Variants in CACNA2D3 observed in about 807,000 individuals in gnomAD.
CACNA2D3 encodes the protein calcium voltage-gated channel auxiliary subunit alpha2delta 3.
In CACNA2D3, 60 loss-of-function variants were observed where a neutral mutation model predicts 160.6. The observed-to-expected ratio is 0.37, with a 90% confidence interval of 0.30 to 0.46. The LOEUF is 0.46. CACNA2D3 is among the 20% of genes least tolerant of loss of function. The pLI is 1.00. For missense variants in CACNA2D3, 1,205 were observed against 1,365.0 expected (o/e 0.88, Z 1.85); for synonymous variants, 558 against 492.9 (o/e 1.13, Z -1.75).
intron 14 of CACNA2D3, among the ~76,000 whole-genome samples, chr3:54,822,213 TCA>T (rs779779613): frequency 1.3e-5 from 2 of 152,198 alleles, no homozygotes; most frequent in Admixed American, 6.6e-5. Flanking sequence ...ATTGATATAC[TCA>T]CAGTCTGAAA....
At chr3:55,018,946 C>CTTT (rs35956279) in intron 35 of CACNA2D3, among the ~76,000 whole-genome samples, 1 of 118,556 alleles carries the variant, frequency 8.4e-6, no homozygotes, top group East Asian at 2.4e-4. Context: ...TTACAGATGC[C>CTTT]TTTTTTTTTT....
chr3:54,458,392 A>G (rs1451800735), intron 4 of CACNA2D3, among the ~76,000 whole-genome samples: 1 of 151,822 alleles, frequency 6.6e-6, no homozygotes, highest in Non-Finnish European at 1.5e-5. Context: ...GTTGTCTGAG[A>G]AAACTTTATT....
chr3:54,317,606 C>T (rs530199640), intron 2 of CACNA2D3, among the ~76,000 whole-genome samples: 3 of 152,178 alleles, frequency 2.0e-5, no homozygotes, highest in East Asian at 3.9e-4. Context: ...GGCGCGATCG[C>T]GGCTCACTGC....
chr3:54,143,038 G>A (rs528808019), intron 2 of CACNA2D3, among the ~76,000 whole-genome samples: 2 of 152,320 alleles, frequency 1.3e-5, no homozygotes, highest in South Asian at 4.1e-4. Flanking sequence ...TGAAAAGCAG[G>A]CTGTGACTAG....
At chr3:54,614,020 T>G (rs1698798150) in intron 9 of CACNA2D3, among the ~76,000 whole-genome samples, 1 of 152,214 alleles carries the variant, frequency 6.6e-6, no homozygotes, top group Non-Finnish European at 1.5e-5. Context: ...CACTGGCCTG[T>G]GAACTCTGCA....
At chr3:54,350,201 T>C (rs886420541) in intron 3 of CACNA2D3, among the ~76,000 whole-genome samples, 19 of 152,224 alleles carry the variant, frequency 1.2e-4, no homozygotes, top group African/African-American at 4.6e-4. Flanking sequence ...TTTATTTATT[T>C]ATTAAAAGCT....
At chr3:54,384,363 CT>C (rs1472874073) in intron 3 of CACNA2D3, among the ~76,000 whole-genome samples, 12 of 152,142 alleles carry the variant, frequency 7.9e-5, no homozygotes, top group African/African-American at 2.7e-4. Context: ...CAATATGTAA[CT>C]GATTTCATGA....
intron 27 of CACNA2D3, among the ~76,000 whole-genome samples, chr3:54,939,466 A>G (rs901382543): frequency 1.3e-5 from 2 of 152,202 alleles, no homozygotes; most frequent in Admixed American, 1.3e-4. Flanking sequence ...GGGCCAAGAC[A>G]TTCACCTTTG....
intron 3 of CACNA2D3, among the ~76,000 whole-genome samples, chr3:54,385,697 A>G (rs2106658331): frequency 6.6e-6 from 1 of 152,286 alleles, no homozygotes; most frequent in East Asian, 1.9e-4. Flanking sequence ...TATTCATGGG[A>G]CATTTGTCCA....
chr3:54,573,204 A>G (rs2106725134), intron 8 of CACNA2D3, among the ~76,000 whole-genome samples: 1 of 152,316 alleles, frequency 6.6e-6, no homozygotes, highest in South Asian at 2.1e-4. Flanking sequence ...GACACTCTGA[A>G]CTTCTTTATT....
At chr3:54,219,529 A>G (rs1296518980) in intron 2 of CACNA2D3, among the ~76,000 whole-genome samples, 1 of 152,144 alleles carries the variant, frequency 6.6e-6, no homozygotes. Context: ...GTAGGTTTGG[A>G]TAGTGAACCA....
chr3:54,231,625 A>G (rs1701771352), intron 2 of CACNA2D3, among the ~76,000 whole-genome samples: 1 of 152,218 alleles, frequency 6.6e-6, no homozygotes, highest in Non-Finnish European at 1.5e-5. Context: ...GCCACCTTGC[A>G]TCTGAAAGGG....
At chr3:54,225,932 G>C (rs1327758721) in intron 2 of CACNA2D3, among the ~76,000 whole-genome samples, 1 of 152,094 alleles carries the variant, frequency 6.6e-6, no homozygotes, top group Non-Finnish European at 1.5e-5. Context: ...CTGAGACTAG[G>C]AGCAGTGAGT....
At chr3:54,466,929 G>T (rs1042775331) in intron 4 of CACNA2D3, among the ~76,000 whole-genome samples, 1 of 152,236 alleles carries the variant, frequency 6.6e-6, no homozygotes, top group African/African-American at 2.4e-5. Context: ...GAAAAGTTCA[G>T]ATGGTCCTGC....
chr3:54,875,311 T>C (rs1306352138), intron 18 of CACNA2D3: 1 of 152,152 alleles, frequency 6.6e-6, no homozygotes, highest in Non-Finnish European at 1.5e-5. Flanking sequence ...AGGTTCTCCA[T>C]GCTCAAGTCT....
intron 35 of CACNA2D3, among the ~76,000 whole-genome samples, chr3:55,040,870 G>T (rs942460268): frequency 6.6e-6 from 1 of 152,090 alleles, no homozygotes; most frequent in Non-Finnish European, 1.5e-5. Context: ...GAGCAGCATC[G>T]CTTCCATTTC....
chr3:54,259,195 C>T (rs1009713389), intron 2 of CACNA2D3, among the ~76,000 whole-genome samples: 3 of 152,180 alleles, frequency 2.0e-5, no homozygotes, highest in Non-Finnish European at 4.4e-5. Context: ...CCCTGACTTC[C>T]CTCCAGGAGC....
At chr3:54,604,944 G>A (rs935445765) in intron 9 of CACNA2D3, among the ~76,000 whole-genome samples, 1 of 152,182 alleles carries the variant, frequency 6.6e-6, no homozygotes, top group African/African-American at 2.4e-5. Flanking sequence ...CAGCAGAAAT[G>A]TATTGTCTCA....
At chr3:54,268,597 A>G (rs918252466) in intron 2 of CACNA2D3, among the ~76,000 whole-genome samples, 2 of 151,974 alleles carry the variant, frequency 1.3e-5, no homozygotes, top group African/African-American at 4.8e-5. Flanking sequence ...TTTAGTAGAG[A>G]TGGGGTTTCA....
Sources: allele counts gnomAD v4.1 joint callset (sites outside exome capture counted in the v4.1 genomes callset), GRCh38; gene constraint gnomAD v4.1.1; transcripts MANE v1.5; gene names NCBI Gene and HGNC (gene_info 2026-07-23, HGNC 2026-07-21).